The following VPS13D variants were observed in gnomAD, a reference collection of about 807,000 sequenced individuals.
VPS13D encodes the protein intermembrane lipid transfer protein VPS13D.
In VPS13D, 187 loss-of-function variants were observed where a neutral mutation model predicts 461.9. The observed-to-expected ratio is 0.40, with a 90% CI of 0.36 to 0.46. The LOEUF (loss-of-function observed/expected upper bound fraction) is 0.46. Ranked by LOEUF, VPS13D falls within the 20% of genes least tolerant of loss-of-function variation. VPS13D has a pLI of 0.60. For missense variants in VPS13D, 4,711 were observed against 5,364.9 expected (o/e 0.88, Z 3.81); for synonymous variants, 1,951 against 1,986.3 (o/e 0.98, Z 0.47).
intron 68 of VPS13D, among the ~76,000 whole-genome samples, chr1:12,506,514 C>A (rs1177213353): frequency 2.0e-5 from 3 of 152,162 alleles, no homozygotes; most frequent in African/African-American, 4.8e-5. Flanking sequence ...CTTTCAGCGC[C>A]CCCAGCTGCG....
At chr1:12,345,652 G>C in intron 43 of VPS13D, 143 bp downstream of exon 43, 1 of 1,161,460 alleles carries the variant, frequency 8.6e-7, no homozygotes, top group South Asian at 2.2e-5. Context: ...CATAGGCATT[G>C]GTAATCAATA....
At chr1:12,459,183 C>T (rs1395614355) in intron 66 of VPS13D, among the ~76,000 whole-genome samples, 4 of 152,140 alleles carry the variant, frequency 2.6e-5, no homozygotes, top group Non-Finnish European at 5.9e-5. Flanking sequence ...AAAGATTTCA[C>T]GAAGTGCCAG....
At chr1:12,385,871 C>T (rs901106238) in intron 59 of VPS13D, among the ~76,000 whole-genome samples, 1 of 152,070 alleles carries the variant, frequency 6.6e-6, no homozygotes, top group African/African-American at 2.4e-5. Flanking sequence ...GCTTTCATCC[C>T]AAATAAGGTG....
In VPS13D at chr1:12,257,001, A is replaced by C; in HGVS notation, c.855A>C (p.Gln285His). Residue 285 changes from glutamine (Q) to histidine (H), a missense_variant, in exon 9 of 70, where the codon CAA (glutamine) becomes CAC (histidine). Gln to His is a conservative substitution (Grantham distance 24). Around this residue, in one of 3 missense-constraint regions of VPS13D, gnomAD observed 4,411 missense variants for 4,937.8 expected, o/e 0.89. Coordinates refer to ENST00000620676, the MANE Select transcript of VPS13D (RefSeq NM_015378.4). ...PLKLSQLQYR[Q>H]IMEFLKELER... ...CTAATACAAAGCTGCAATACCGGCA[A>C]ATCATGGAATTCCTCAAGGAGCTGG... 6.2e-7 allele frequency: 1 copy of C among 1,614,208 alleles called. No homozygotes were observed. The highest frequency in any genetic ancestry group is 2.2e-5 in the East Asian group (1 of 44,886).
At chr1:12,453,477 C>G (rs1645288685) in intron 65 of VPS13D, among the ~76,000 whole-genome samples, 1 of 151,986 alleles carries the variant, frequency 6.6e-6, no homozygotes, top group South Asian at 2.1e-4. Context: ...AGATGTGTCC[C>G]CTGGAGACAC....
intron 60 of VPS13D, among the ~76,000 whole-genome samples, chr1:12,387,081 A>G (rs1359189341): frequency 1.3e-5 from 2 of 152,220 alleles, no homozygotes; most frequent in African/African-American, 2.4e-5. Context: ...GAAACTACCC[A>G]TCTGAAAGGA....
At chr1:12,353,754 T>G (rs1643862447) in intron 46 of VPS13D, among the ~76,000 whole-genome samples, 1 of 152,142 alleles carries the variant, frequency 6.6e-6, no homozygotes, top group Non-Finnish European at 1.5e-5. Flanking sequence ...ATGGTGTTTA[T>G]AGAGGTGTGT....
chr1:12,414,589 CTG>C (rs757989118), intron 63 of VPS13D, among the ~76,000 whole-genome samples: 1 of 152,118 alleles, frequency 6.6e-6, no homozygotes, highest in Non-Finnish European at 1.5e-5. Context: ...GATGTCATCA[CTG>C]TGGTTGTCTT....
chr1:12,510,893 GTAA>G lies in VPS13D; in HGVS notation c.*1870_*1872del, dbSNP rs1646174088. On this transcript the variant is annotated 3_prime_UTR_variant, in exon 70 of 70. Coordinates refer to ENST00000620676, the MANE Select transcript of VPS13D (RefSeq NM_015378.4). ...GTTTGGCTTGTGGTTTTTGTCATCA[GTAA>G]CCTACTGCCTGAGATCATGATCTCT... is the stretch of plus-strand genomic sequence containing the variant. The G allele has an allele frequency of 6.6e-6, 1 of 152,268 alleles. No homozygotes were observed. Among genetic ancestry groups the G allele is most frequent in the South Asian group, 2.1e-4 (1 of 4,836 alleles). The allele number at this position is 152,268 out of a possible 1,614,324, so 9.4% of individuals were successfully genotyped here. A position where few individuals can be genotyped will look rare whatever the true frequency, so the allele number is the denominator to read the frequency against.
At chr1:12,328,635 G>A (rs537765312) in intron 36 of VPS13D, among the ~76,000 whole-genome samples, 1 of 152,218 alleles carries the variant, frequency 6.6e-6, no homozygotes, top group Admixed American at 6.5e-5. Flanking sequence ...CTGCCTCCTG[G>A]GTTCAAGCGA....
At chr1:12,443,243 C>A (rs1333506154) in intron 65 of VPS13D, among the ~76,000 whole-genome samples, 2 of 152,210 alleles carry the variant, frequency 1.3e-5, no homozygotes, top group Admixed American at 1.3e-4. Context: ...TGAATATATT[C>A]TTTTGTGACC....
chr1:12,276,907 G>A lies in VPS13D; in HGVS notation c.3319G>A (p.Val1107Met), dbSNP rs750824826. The A allele has an allele frequency of 3.7e-6, 6 of 1,614,198 alleles. No individual in the cohort carries two copies. In the Admixed American group the frequency reaches 8.3e-5, roughly 22 times the overall value. ...DSTLQVISLQVNNLDIILNPE... is the reference protein window; with the variant it reads ...DSTLQVISLQMNNLDIILNPE... ...TACTCTTCAGGTGATTTCCCTACAG[G>A]TGAATAATTTAGATATTATCCTCAA... Residue 1107 changes from valine (V) to methionine (M), a missense_variant, in exon 19 of 70, where the codon GTG becomes ATG. Val to Met is a conservative substitution (Grantham distance 21, BLOSUM62 1). Around this residue, in one of 3 missense-constraint regions of VPS13D, gnomAD observed 4,411 missense variants for 4,937.8 expected, o/e 0.89. Coordinates refer to ENST00000620676, the MANE Select transcript of VPS13D (RefSeq NM_015378.4). This position sits in a 1 kb window ranked among gnomAD's most constrained non-coding sequence, Gnocchi z 4.5.
intron 25 of VPS13D, among the ~76,000 whole-genome samples, chr1:12,300,759 G>A (rs1403857977): frequency 1.3e-5 from 2 of 152,130 alleles, no homozygotes; most frequent in Non-Finnish European, 1.5e-5. Context: ...AAGCTGAGAG[G>A]ACCTTTTAGA....
rs746402553 is a variant in VPS13D, at chr1:12,355,814, C to T, written c.9680-85C>T. 13 of 1,359,698 alleles carry T rather than the reference C, an allele frequency of 9.6e-6. No individual in the cohort carries two copies. In the African/African-American group the frequency reaches 1.3e-4, roughly 14 times the overall value. The allele number at this position is 1,359,698 out of a possible 1,614,324, so 84.2% of individuals were successfully genotyped here. On this transcript the variant is annotated intron_variant, in intron 47 of 69. Transcript: ENST00000620676. Reference sequence around the variant, plus strand: ...TTAGATACTTAGTTATTGGTTTTTCCAAAAGGAATCCAATTTACTTTTGCT... The same window carrying T: ...TTAGATACTTAGTTATTGGTTTTTCTAAAAGGAATCCAATTTACTTTTGCT...
At chr1:12,440,369 G>A (rs1422181277) in intron 65 of VPS13D, among the ~76,000 whole-genome samples, 1 of 152,212 alleles carries the variant, frequency 6.6e-6, no homozygotes, top group Non-Finnish European at 1.5e-5. Flanking sequence ...GTAGAGGGAA[G>A]AGCAGGGCTG....
Position 12,288,237 on chromosome 1 carries a change from T to G in VPS13D, c.5649T>G (p.Ser1883=). 6.2e-7 allele frequency: 1 copy of G among 1,613,906 alleles called. No individual in the cohort carries two copies. The highest frequency in any genetic ancestry group is 1.1e-5 in the South Asian group (1 of 91,036). ...TCTGTTCCTAGGTTCATTCACTTTCTCTAGTGCTGAATAAGACCACCAGTG... is the reference window on the plus strand; with the variant it reads ...TCTGTTCCTAGGTTCATTCACTTTCGCTAGTGCTGAATAAGACCACCAGTG... ...TKLDLKVHSL[S]LVLNKTTSEL... Residue 1883 remains serine (S), a synonymous_variant, in exon 22 of 70, where the codon TCT becomes TCG. Transcript: ENST00000620676.
intron 65 of VPS13D, among the ~76,000 whole-genome samples, chr1:12,430,222 A>G (rs985099370): frequency 6.6e-6 from 1 of 152,212 alleles, no homozygotes; most frequent in African/African-American, 2.4e-5. Context: ...GTTTTATAGC[A>G]ATTCAACCTT....
rs920262852 is a variant in VPS13D at position 12,434,412 on chromosome 1, T to C, written c.12333+17585T>C. Among the ~76,000 whole-genome samples, 6 of 152,244 alleles carry C rather than the reference T, an allele frequency of 3.9e-5. No individual in the cohort carries two copies. The East Asian group carries it at 1.2e-3, about 29-fold the overall frequency. ...AGCGTGTGCTCTTAAAGTTTGGTGGTTGAGGTGGCGGTGGTAGCAGCTTGG... is the reference window on the plus strand; with the variant it reads ...AGCGTGTGCTCTTAAAGTTTGGTGGCTGAGGTGGCGGTGGTAGCAGCTTGG... On this transcript the variant is annotated intron_variant, in intron 65 of 69. Coordinates refer to ENST00000620676, the MANE Select transcript of VPS13D (RefSeq NM_015378.4).
chr1:12,359,074 G>T (rs1047684651), intron 50 of VPS13D, among the ~76,000 whole-genome samples: 3 of 152,130 alleles, frequency 2.0e-5, no homozygotes, highest in Non-Finnish European at 4.4e-5. Context: ...AGGATTGGGG[G>T]ATACAAATAA....
Sources: gnomAD v4.1 joint callset for allele counts (sites outside exome capture counted in the v4.1 genomes callset) on GRCh38, gnomAD v4.1.1 for gene constraint, gnomAD v4.1.1 regional missense constraint, Gnocchi (gnomAD v3.1) non-coding constraint, MANE v1.5 for transcripts, NCBI Gene and HGNC (gene_info 2026-07-23, HGNC 2026-07-21) for gene names.